The following COL4A2 variants were observed in gnomAD, a reference collection of about 807,000 sequenced individuals.
COL4A2 encodes collagen alpha-2(IV) chain.
COL4A2 carries 99 observed loss-of-function variants against 200.2 expected under a neutral mutation model. The ratio of observed to expected loss-of-function variants is 0.49; its 90% CI spans 0.42 to 0.58. The LOEUF (loss-of-function observed/expected upper bound fraction) is 0.58, where lower values mean the gene tolerates loss of function less well. COL4A2 is among the 20% of genes least tolerant of loss of function. COL4A2 has a pLI of 0.00. For missense variants in COL4A2, 1,950 were observed against 2,314.1 expected, an observed-to-expected ratio of 0.84 and a Z score of 3.23; for synonymous variants, 897 against 900.6, an observed-to-expected ratio of 1.00 and a Z score of 0.07.
intron 4 of COL4A2, among the ~76,000 whole-genome samples, chr13:110,359,533 G>A (rs531923210): frequency 1.3e-5 from 2 of 152,188 alleles, no homozygotes; most frequent in South Asian, 4.1e-4. Context: ...TTGCCCTGAT[G>A]TTGTTGGAAT....
intron 46 of COL4A2, 95 bp downstream of exon 46, chr13:110,506,701 C>G: frequency 1.5e-6 from 2 of 1,312,336 alleles, no homozygotes; most frequent in Non-Finnish European, 2.1e-6. Flanking sequence ...AAACCCTCCA[C>G]GGCTGGTAAG....
rs1393768644 is a variant in COL4A2, at chr13:110,439,845, G to A, written c.957+12G>A. 6.2e-7 allele frequency: 1 copy of A among 1,613,888 alleles called. No homozygotes were observed. The highest frequency in any genetic ancestry group is 8.5e-7 in the Non-Finnish European group (1 of 1,179,956). On this transcript the variant is annotated intron_variant, in intron 16 of 47. Transcript: ENST00000360467. ...CACCAGGACAGAAGGTAAGTTGGAT[G>A]CATGAACTGCAGTCTGCTCTGGGCC...
chr13:110,475,281 C>T (rs1019783609), intron 29 of COL4A2, among the ~76,000 whole-genome samples: 1 of 152,178 alleles, frequency 6.6e-6, no homozygotes, highest in Non-Finnish European at 1.5e-5. Context: ...GAGGACTCGG[C>T]GCTGAGAGGT....
At chr13:110,438,833 C>G (rs374428069) in intron 15 of COL4A2, among the ~76,000 whole-genome samples, 165 bp downstream of exon 15, 2 of 148,344 alleles carry the variant, frequency 1.3e-5, no homozygotes, top group African/African-American at 5.1e-5. Context: ...CAGCAGCCCC[C>G]CAGCACGAAC....
At chr13:110,439,886 A>T in intron 16 of COL4A2, 53 bp downstream of exon 16, 12 of 1,586,036 alleles carry the variant, frequency 7.6e-6, no homozygotes, top group Non-Finnish European at 1.0e-5. Flanking sequence ...CATCCCACAG[A>T]GGTTAAATAA....
intron 20 of COL4A2, among the ~76,000 whole-genome samples, chr13:110,455,052 A>G (rs56171126): frequency 0.2 from 30,573 of 151,142 alleles, 3,390 homozygotes; most frequent in Middle Eastern, 0.37. Flanking sequence ...CGGGTCCTCC[A>G]CTCCAGTGCT....
chr13:110,395,678 C>T (rs933087018), intron 4 of COL4A2, among the ~76,000 whole-genome samples: 6 of 152,234 alleles, frequency 3.9e-5, no homozygotes, highest in Non-Finnish European at 8.8e-5. Flanking sequence ...GGCGCAGTGG[C>T]TCATGCCTGT....
At chr13:110,498,907 TGAC>T (rs1405957029) in intron 40 of COL4A2, among the ~76,000 whole-genome samples, 2 of 152,202 alleles carry the variant, frequency 1.3e-5, no homozygotes, top group African/African-American at 4.8e-5. Context: ...TGCGGCATGC[TGAC>T]TTTTGCAAGC....
chr13:110,500,759 C>T lies in COL4A2; in HGVS notation c.3761-909C>T, dbSNP rs546834662. On this transcript the variant is annotated intron_variant, in intron 40 of 47. Coordinates refer to ENST00000360467, the MANE Select transcript of COL4A2 (RefSeq NM_001846.4). ...GTATATAAGCTGGTTTTCTGTGTAA[C>T]GGCACCTTGTTTAGTGTGGATTGCT... Among the ~76,000 whole-genome samples the T allele has an allele frequency of 4.1e-4, 63 of 152,308 alleles. 3 individuals are homozygous for T. The South Asian group carries it at 6.8e-3, about 17-fold the overall frequency.
intron 4 of COL4A2, among the ~76,000 whole-genome samples, chr13:110,382,258 T>A (rs1489772968): frequency 1.3e-5 from 2 of 152,254 alleles, no homozygotes; most frequent in Non-Finnish European, 2.9e-5. Flanking sequence ...CATAAACAGC[T>A]GCATAGTGCT....
chr13:110,507,578 G>A (rs1016939215), intron 46 of COL4A2: 5 of 296,266 alleles, frequency 1.7e-5, no homozygotes, highest in South Asian at 6.6e-5. Flanking sequence ...GTCAAAGAGC[G>A]ACCCCTTGGA....
chr13:110,414,544 A>G (rs915782134), intron 4 of COL4A2, among the ~76,000 whole-genome samples: 1 of 152,122 alleles, frequency 6.6e-6, no homozygotes, highest in Admixed American at 6.5e-5. Flanking sequence ...GCCCTGCCTG[A>G]TTGCTAATGA....
At position 110,508,398 on chromosome 13, in the gene COL4A2, C is replaced by A; in HGVS notation, c.4881+177C>A. The A allele has an allele frequency of 9.9e-7, 1 of 1,011,244 alleles. No individual in the cohort carries two copies. Among genetic ancestry groups the A allele is most frequent in the Non-Finnish European group, 1.4e-6 (1 of 705,152 alleles). 62.6% of individuals were successfully genotyped at this position (1,011,244 alleles called of 1,614,324 possible). A position where few individuals can be genotyped will look rare whatever the true frequency, so the allele number is the denominator to read the frequency against. On this transcript the variant is annotated intron_variant, in intron 47 of 47. Coordinates refer to ENST00000360467, the MANE Select transcript of COL4A2 (RefSeq NM_001846.4). This position sits in a 1 kb window ranked among gnomAD's most constrained non-coding sequence, Gnocchi z 6.1. ...ACAGCTTACACTTGGCTAACTGAGC[C>A]ACATGCTGGGCACAGGGCTTCCTCC...
intron 3 of COL4A2, among the ~76,000 whole-genome samples, chr13:110,351,220 TTTGTTTGTTTG>T (rs1566487600): frequency 2.1e-5 from 1 of 47,042 alleles, no homozygotes; most frequent in South Asian, 4.8e-4. Context: ...AGCTATTCTT[TTTGTTTGTTTG>T]TTTGTTTGTT....
chr13:110,310,399 G>T (rs1884943406), intron 3 of COL4A2, among the ~76,000 whole-genome samples: 1 of 152,196 alleles, frequency 6.6e-6, no homozygotes, highest in African/African-American at 2.4e-5. Context: ...TACAGTATTG[G>T]GTTGAGAGGC....
intron 3 of COL4A2, among the ~76,000 whole-genome samples, chr13:110,314,359 A>G (rs1385741000): frequency 6.6e-6 from 1 of 152,254 alleles, no homozygotes; most frequent in Non-Finnish European, 1.5e-5. Flanking sequence ...GAAAGCAGCC[A>G]GTCTCGAATG....
chr13:110,458,210 G>A (rs756023936), intron 21 of COL4A2: 38 of 448,114 alleles, frequency 8.5e-5, no homozygotes, highest in African/African-American at 7.7e-4. Flanking sequence ...TCCCCACTGG[G>A]CATCCTCTGT....
At chr13:110,439,392 C>G (rs1238618385) in intron 15 of COL4A2, among the ~76,000 whole-genome samples, 1 of 152,164 alleles carries the variant, frequency 6.6e-6, no homozygotes, top group Non-Finnish European at 1.5e-5. Context: ...GTGAGTTTCT[C>G]TGTATTTCTT....
rs66985205 is a variant in COL4A2 at position 110,481,832 on chromosome 13, GT to G, written c.2759-682del. Among the ~76,000 whole-genome samples, 195 of 27,436 alleles carry G rather than the reference GT, an allele frequency of 7.1e-3. 47 individuals are homozygous for G. The highest frequency in any genetic ancestry group is 0.012 in the Admixed American group (22 of 1,894). 18.0% of individuals were successfully genotyped at this position (27,436 alleles called of 152,430 possible). A position where few individuals can be genotyped will look rare whatever the true frequency, so the allele number is the denominator to read the frequency against. ...TGGAGACACACTGCTCTGTCCCTCC[GT>G]TGCTGGAGACACACTGCTCTGTCCC... On this transcript the variant is annotated intron_variant, in intron 31 of 47. Transcript: ENST00000360467.
Sources: allele counts gnomAD v4.1 joint callset (sites outside exome capture counted in the v4.1 genomes callset), GRCh38; gene constraint gnomAD v4.1.1; non-coding constraint Gnocchi (gnomAD v3.1); transcripts MANE v1.5; gene names NCBI Gene and HGNC (gene_info 2026-07-23, HGNC 2026-07-21).